The following WDR48 variants were observed in gnomAD, a reference collection of about 807,000 sequenced individuals.
WDR48 encodes WD repeat domain 48, also known as WD repeat-containing protein 48.
In WDR48, 22 loss-of-function variants were observed where a neutral mutation model predicts 94.0. The observed-to-expected ratio is 0.23, with a 90% CI of 0.17 to 0.33. The LOEUF is 0.33. WDR48 is among the 10% of genes least tolerant of loss of function. The pLI is 1.00. For missense variants in WDR48, 541 were observed against 813.8 expected, an observed-to-expected ratio of 0.66 and a Z score of 4.08; for synonymous variants, 278 against 280.5, an observed-to-expected ratio of 0.99 and a Z score of 0.09.
intron 1 of WDR48, among the ~76,000 whole-genome samples, chr3:39,061,792 C>G (rs1046524622): frequency 1.3e-5 from 2 of 152,150 alleles, no homozygotes; most frequent in African/African-American, 4.8e-5. Flanking sequence ...GACTGCCACT[C>G]TAACTGGCAT....
intron 10 of WDR48, among the ~76,000 whole-genome samples, chr3:39,078,474 A>G (rs1266908889): frequency 6.6e-6 from 1 of 151,924 alleles, no homozygotes. Flanking sequence ...GCTGGACTGC[A>G]GTGACGGGAT....
chr3:39,085,458 T>A, intron 13 of WDR48, 57 bp from the exon 14 acceptor site: 1 of 1,376,336 alleles, frequency 7.3e-7, no homozygotes, highest in Non-Finnish European at 1.0e-6. Flanking sequence ...TATTTTTAGG[T>A]TAAAGCCAAG....
chr3:39,067,855 G>A (rs1652090425), intron 5 of WDR48, among the ~76,000 whole-genome samples: 1 of 151,978 alleles, frequency 6.6e-6, no homozygotes, highest in African/African-American at 2.4e-5. Flanking sequence ...TTTTTCCCTT[G>A]TTCTTGATTT....
intron 15 of WDR48, among the ~76,000 whole-genome samples, chr3:39,088,582 G>A (rs997142507): frequency 3.3e-5 from 5 of 152,334 alleles, no homozygotes; most frequent in African/African-American, 1.2e-4. Context: ...CCACAGAAGA[G>A]CTTCAGAGTA....
intron 7 of WDR48, among the ~76,000 whole-genome samples, chr3:39,073,847 T>A (rs1452773961): frequency 1.3e-5 from 2 of 152,150 alleles, no homozygotes; most frequent in Admixed American, 6.5e-5. Context: ...TGTTTCTGAT[T>A]CCCGTCAGTA....
intron 1 of WDR48, chr3:39,052,376 G>GCCCACTTGCCT (rs2032482056): frequency 2.8e-6 from 1 of 354,022 alleles, no homozygotes; most frequent in East Asian, 6.9e-5. Context: ...CTCGTTCCCC[G>GCCCACTTGCCT]CCCACTTGCC....
chr3:39,079,565 A>T (rs995751320), intron 10 of WDR48, 146 bp from the exon 11 acceptor site: 4 of 494,132 alleles, frequency 8.1e-6, no homozygotes, highest in Non-Finnish European at 1.4e-5. Context: ...TTTAGATATA[A>T]TTATATAGTC....
intron 17 of WDR48, 119 bp from the exon 18 acceptor site, chr3:39,093,753 CTA>C: frequency 8.5e-7 from 1 of 1,170,326 alleles, no homozygotes; most frequent in Non-Finnish European, 1.1e-6. Flanking sequence ...AAGGTAATGA[CTA>C]AAAACATTTA....
At chr3:39,055,154 A>T (rs1348258327) in intron 1 of WDR48, among the ~76,000 whole-genome samples, 1 of 152,184 alleles carries the variant, frequency 6.6e-6, no homozygotes, top group Non-Finnish European at 1.5e-5. Flanking sequence ...GTCAAGTTGT[A>T]GGCCAAGACA....
At chr3:39,064,820 A>G (rs2033501628) in intron 2 of WDR48, among the ~76,000 whole-genome samples, 3 of 152,242 alleles carry the variant, frequency 2.0e-5, no homozygotes, top group Admixed American at 2.0e-4. Flanking sequence ...TGGACCATGC[A>G]GTGGTGGCCA....
chr3:39,085,061 A>G (rs942997116), intron 13 of WDR48, among the ~76,000 whole-genome samples: 6 of 152,166 alleles, frequency 3.9e-5, no homozygotes, highest in Non-Finnish European at 5.9e-5. Context: ...CCCCGTCTCT[A>G]CTAAAAATAC....
intron 9 of WDR48, 178 bp from the exon 10 acceptor site, chr3:39,077,959 T>C (rs781224714): frequency 5.7e-6 from 3 of 528,560 alleles, no homozygotes; most frequent in Non-Finnish European, 1.0e-5. Context: ...CTTCTTAAAA[T>C]TTGTTTCTTT....
chr3:39,072,526 C>T, intron 7 of WDR48, among the ~76,000 whole-genome samples: 1 of 152,180 alleles, frequency 6.6e-6, no homozygotes, highest in Middle Eastern at 3.2e-3. Context: ...GGGAACACTC[C>T]TGTTGGTCAG....
Position 39,052,045 on chromosome 3 carries a change from A to C in WDR48, c.20A>C (p.Gln7Pro), listed in dbSNP as rs751315524. The C allele has an allele frequency of 3.7e-6, 6 of 1,613,972 alleles. No individual in the cohort carries two copies. The Admixed American group carries it at 6.7e-5, about 18-fold the overall frequency. The change falls in exon 1 of 19, where the codon CAG becomes CCG. Residue 7 changes from glutamine (Q) to proline (P), a missense_variant. Around this residue, in one of 5 missense-constraint regions of WDR48, gnomAD observed 90 missense variants for 122.3 expected, o/e 0.74. Transcript: ENST00000302313. ...TGCAAGATGGCGGCCCATCACCGGC[A>C]GAACACAGCAGGGCGGAGGAAAGTG... MAAHHRQNTAGRRKVQV... is the reference protein window; with the variant it reads MAAHHRPNTAGRRKVQV...
chr3:39,081,995 G>A (rs73066276), intron 11 of WDR48, among the ~76,000 whole-genome samples: 7,555 of 152,268 alleles, frequency 0.05, 267 homozygotes, highest in Non-Finnish European at 0.076. Context: ...ACATTGGCTT[G>A]GGAGTTGGAC....
Position 39,079,693 on chromosome 3 carries a change from G to GT in WDR48, c.1076-9dup, listed in dbSNP as rs566653374. 1.6e-3 allele frequency: 2,288 copies of GT among 1,429,308 alleles called. No individual in the cohort carries two copies. Among genetic ancestry groups the GT allele is most frequent in the South Asian group, 2.3e-3 (173 of 74,312 alleles). 88.5% of individuals were successfully genotyped at this position (1,429,308 alleles called of 1,614,324 possible). On this transcript the variant is annotated splice_polypyrimidine_tract_variant and intron_variant, in intron 10 of 18. Coordinates refer to ENST00000302313, the MANE Select transcript of WDR48 (RefSeq NM_020839.4). ...GTAGAAAGATTGTTTTACCAATTGT[G>GT]TTTTTTTTTCCCATTAGGGGGTGCT...
In WDR48 at chr3:39,094,783, C is replaced by T. The variant is rs771424909; in HGVS notation, c.*40C>T. On this transcript the variant is annotated 3_prime_UTR_variant, in exon 19 of 19. Transcript: ENST00000302313. The stretch of plus-strand genomic sequence containing the variant: ...CTCCTGGATATTCATTTACGACCTT[C>T]CTCTATGGCCCCAAGAGTAGTCCTA... The T allele has an allele frequency of 1.9e-6, 3 of 1,611,040 alleles. No individual in the cohort carries two copies. The highest frequency in any genetic ancestry group is 1.7e-5 in the Admixed American group (1 of 59,706).
In WDR48 at chr3:39,058,846, G is replaced by A. The variant is rs190982684; in HGVS notation, c.49-4204G>A. Among the ~76,000 whole-genome samples, 38 of 152,104 alleles carry A rather than the reference G, an allele frequency of 2.5e-4. No individual in the cohort carries two copies. In the East Asian group the frequency reaches 6.8e-3, roughly 27 times the overall value. Reference sequence around the variant, plus strand: ...AATCCCAGCATTTTGGGAGGCCAAGGTGGGTGGATCAGAAGGTCAGGAGTT... The same window carrying A: ...AATCCCAGCATTTTGGGAGGCCAAGATGGGTGGATCAGAAGGTCAGGAGTT... On this transcript the variant is annotated intron_variant, in intron 1 of 18. Transcript: ENST00000302313.
At chr3:39,064,773 T>A (rs771193832) in intron 2 of WDR48, among the ~76,000 whole-genome samples, 3 of 152,346 alleles carry the variant, frequency 2.0e-5, no homozygotes, top group Non-Finnish European at 2.9e-5. Flanking sequence ...TATGCGCCTA[T>A]AACTTCAGTC....
Sources: allele counts gnomAD v4.1 joint callset (sites outside exome capture counted in the v4.1 genomes callset), GRCh38; gene constraint gnomAD v4.1.1; regional missense constraint gnomAD v4.1.1; transcripts MANE v1.5; gene names NCBI Gene and HGNC (gene_info 2026-07-23, HGNC 2026-07-21).